The following SERPINI2 variants were observed in gnomAD, a reference collection of about 807,000 sequenced individuals.
SERPINI2 encodes serpin I2.
A neutral mutation model predicts 47.3 loss-of-function variants in SERPINI2; 48 were observed. The ratio of observed to expected loss-of-function variants is 1.02; its 90% CI spans 0.81 to 1.29. The LOEUF is 1.29. Ranked by LOEUF, SERPINI2 falls within the 50% of genes most tolerant of loss-of-function variation. The probability of loss-of-function intolerance (pLI) is 0.00; values close to 1 mark genes in which losing one functional copy is unlikely to be tolerated. For missense variants in SERPINI2, 448 were observed against 456.9 expected (o/e 0.98, Z 0.18); for synonymous variants, 135 against 149.3 (o/e 0.90, Z 0.70).
At chr3:167,471,023 T>C (rs1384594835) in intron 2 of SERPINI2, among the ~76,000 whole-genome samples, 7 of 152,202 alleles carry the variant, frequency 4.6e-5, no homozygotes, top group African/African-American at 1.7e-4. Flanking sequence ...AAATAAGCTT[T>C]TAAAATGAAC....
chr3:167,442,038 C>G, exon 9 of SERPINI2: 1 of 1,203,668 alleles, frequency 8.3e-7, no homozygotes, highest in East Asian at 2.5e-5. Context: ...CAAATATTGT[C>G]AAGATGACGA....
intron 5 of SERPINI2, among the ~76,000 whole-genome samples, chr3:167,458,245 CTTTT>C (rs949215365): frequency 3.8e-5 from 4 of 105,218 alleles, no homozygotes; most frequent in South Asian, 3.2e-4. Flanking sequence ...GAATTTCTTT[CTTTT>C]TTTTTTTTTT....
intron 5 of SERPINI2, among the ~76,000 whole-genome samples, chr3:167,461,878 C>G (rs912594640): frequency 6.7e-6 from 1 of 149,010 alleles, no homozygotes; most frequent in East Asian, 2.0e-4. Context: ...CCTTGGCCCC[C>G]CAAAGTGCTG....
intron 1 of SERPINI2, chr3:167,473,651 C>A (rs1358401706): frequency 1.2e-5 from 6 of 516,992 alleles, no homozygotes; most frequent in Non-Finnish European, 1.3e-5. Flanking sequence ...ATTATTTGAG[C>A]ATCCACATCC....
chr3:167,456,777 G>A (rs189694273), intron 5 of SERPINI2, among the ~76,000 whole-genome samples: 5 of 152,142 alleles, frequency 3.3e-5, no homozygotes, highest in Admixed American at 6.5e-5. Flanking sequence ...AATTTAATGC[G>A]ATATGATGGG....
chr3:167,471,623 A>C, exon 2 of SERPINI2: 1 of 1,613,628 alleles, frequency 6.2e-7, no homozygotes, highest in Non-Finnish European at 8.5e-7. Context: ...AGTTTGTCTT[A>C]TCTGCTGCTG....
At chr3:167,471,455 C>A in intron 2 of SERPINI2, 133 bp downstream of exon 2, 1 of 817,344 alleles carries the variant, frequency 1.2e-6, no homozygotes, top group African/African-American at 1.7e-5. Flanking sequence ...TTACAATTCT[C>A]CATTTTATTA....
intron 2 of SERPINI2, 110 bp downstream of exon 2, chr3:167,471,478 T>G (rs1750318036): frequency 9.1e-7 from 1 of 1,099,230 alleles, no homozygotes; most frequent in African/African-American, 1.6e-5. Flanking sequence ...ATTTTGTACT[T>G]TTCATTACAT....
rs777967831 is a variant in SERPINI2, at chr3:167,467,133, C to A, written c.400G>T (p.Ala134Ser). 13 of 1,613,412 alleles carry A rather than the reference C, an allele frequency of 8.1e-6. No individual in the cohort carries two copies. The South Asian group carries it at 1.2e-4, about 15-fold the overall frequency. ...TCTTGAAAATCCACCAGTTTTATAGCACTCTGAAAAAATTCCTTGTTGCCA... is the reference window on the plus strand; with the variant it reads ...TCTTGAAAATCCACCAGTTTTATAGAACTCTGAAAAAATTCCTTGTTGCCA... Residue 134 changes from alanine to serine, a missense_variant, in exon 3 of 9, where the codon GCT becomes TCT. Coordinates refer to ENST00000264677, the Ensembl canonical transcript of SERPINI2.
chr3:167,465,188 TA>T lies in SERPINI2; in HGVS notation c.866+17del. 1 of 1,589,694 alleles carries T rather than the reference TA, an allele frequency of 6.3e-7. No individual in the cohort carries two copies. The highest frequency in any genetic ancestry group is 8.5e-7 in the Non-Finnish European group (1 of 1,171,858). ...AGTGGAAACGTAAGAACTCGTATAA[TA>T]AAATAACATCACCAACCTAGGGAGG... On this transcript the variant is annotated intron_variant, in intron 5 of 8. Transcript: ENST00000264677.
At chr3:167,461,614 CTTT>C (rs11458536) in intron 5 of SERPINI2, among the ~76,000 whole-genome samples, 1 of 139,234 alleles carries the variant, frequency 7.2e-6, no homozygotes. Context: ...GCTATAGATG[CTTT>C]TTTTTTTTTT....
chr3:167,459,928 T>C (rs1168197536), intron 5 of SERPINI2, among the ~76,000 whole-genome samples: 7 of 152,058 alleles, frequency 4.6e-5, no homozygotes, highest in African/African-American at 1.7e-4. Context: ...GATGGCTACA[T>C]GACAACAGAA....
chr3:167,465,452 C>A (rs777288559), intron 4 of SERPINI2, 27 bp downstream of exon 4: 1 of 1,609,694 alleles, frequency 6.2e-7, no homozygotes, highest in Admixed American at 1.7e-5. Context: ...CAAGACTATG[C>A]TTAGGAACTG....
intron 5 of SERPINI2, among the ~76,000 whole-genome samples, chr3:167,459,413 A>G (rs1258775530): frequency 6.6e-6 from 1 of 152,184 alleles, no homozygotes; most frequent in Non-Finnish European, 1.5e-5. Flanking sequence ...AAAGGATCTC[A>G]TACTACATTT....
At chr3:167,451,164 CT>C (rs960743791) in intron 6 of SERPINI2, among the ~76,000 whole-genome samples, 4 of 151,880 alleles carry the variant, frequency 2.6e-5, no homozygotes, top group Admixed American at 2.0e-4. Context: ...TACATACATT[CT>C]TTTATTTATT....
intron 8 of SERPINI2, among the ~76,000 whole-genome samples, chr3:167,444,453 A>G (rs562666572): frequency 1.4e-4 from 21 of 152,166 alleles, no homozygotes; most frequent in Non-Finnish European, 2.8e-4. Context: ...ATTCATCCTC[A>G]TACTTCAGAA....
intron 6 of SERPINI2, among the ~76,000 whole-genome samples, chr3:167,451,313 T>G (rs1163247447): frequency 2.0e-5 from 3 of 152,202 alleles, no homozygotes; most frequent in Non-Finnish European, 1.5e-5. Flanking sequence ...CCAAAATAAC[T>G]CTATAAAAAC....
At chr3:167,473,751 G>T in intron 1 of SERPINI2, 2 of 1,482,584 alleles carry the variant, frequency 1.3e-6, no homozygotes, top group South Asian at 1.3e-5. Flanking sequence ...TCAGGTTTTG[G>T]ATCATATCTT....
intron 6 of SERPINI2, among the ~76,000 whole-genome samples, chr3:167,451,204 CAGATTA>C (rs1287639973): frequency 6.9e-6 from 1 of 144,030 alleles, no homozygotes; most frequent in Admixed American, 6.8e-5. Flanking sequence ...TCTCACTTAA[CAGATTA>C]GAATGCTTAC....
Sources: gnomAD v4.1 joint callset for allele counts (sites outside exome capture counted in the v4.1 genomes callset) on GRCh38, gnomAD v4.1.1 for gene constraint, MANE v1.5 for transcripts, NCBI Gene and HGNC (gene_info 2026-07-23, HGNC 2026-07-21) for gene names.